Variants in GLIS3 observed in about 807,000 individuals in gnomAD.
GLIS3 encodes zinc finger protein GLIS3.
In GLIS3, 53 loss-of-function variants were observed where a neutral mutation model predicts 78.6. The ratio of observed to expected loss-of-function variants is 0.67; its 90% CI spans 0.54 to 0.85. The LOEUF is 0.85. Among genes scored for constraint, GLIS3 ranks in the 40% least tolerant of loss-of-function variants. The pLI is 0.00. For missense variants in GLIS3, 1,703 were observed against 1,231.1 expected, an observed-to-expected ratio of 1.38 and a Z score of -5.74; for synonymous variants, 684 against 509.9, an observed-to-expected ratio of 1.34 and a Z score of -4.60.
chr9:4,343,786 T>A (rs1329181931), intron 2 of GLIS3, among the ~76,000 whole-genome samples: 5 of 151,870 alleles, frequency 3.3e-5, no homozygotes, highest in Non-Finnish European at 7.4e-5. Flanking sequence ...CAGCTGGAGG[T>A]CATTATCCTA....
chr9:3,840,135 C>T (rs1024579989), intron 9 of GLIS3, among the ~76,000 whole-genome samples: 3 of 152,132 alleles, frequency 2.0e-5, no homozygotes, highest in Non-Finnish European at 4.4e-5. Context: ...TTTATAAAAG[C>T]ATTTGGTGCA....
chr9:4,324,076 C>A (rs576621579), intron 2 of GLIS3, among the ~76,000 whole-genome samples: 45 of 152,248 alleles, frequency 3.0e-4, no homozygotes, highest in African/African-American at 1.0e-3. Flanking sequence ...GAAAATGGTG[C>A]TTGTCTCAAT....
intron 2 of GLIS3, among the ~76,000 whole-genome samples, chr9:4,257,292 T>A (rs1339156856): frequency 2.6e-5 from 4 of 152,036 alleles, no homozygotes; most frequent in African/African-American, 7.2e-5. Flanking sequence ...TTTTAAAAAT[T>A]GAATACAGTA....
intron 4 of GLIS3, among the ~76,000 whole-genome samples, chr9:4,020,487 T>A (rs1822795531): frequency 6.6e-6 from 1 of 152,200 alleles, no homozygotes; most frequent in African/African-American, 2.4e-5. Context: ...TGAAAAAATT[T>A]CACCAACCCT....
chr9:4,490,456 C>A, the GLIS3 span: 1 of 312,502 alleles, frequency 3.2e-6, no homozygotes, highest in Non-Finnish European at 5.8e-6. Flanking sequence ...AGGAGCCGGG[C>A]GCGCCTGCCA....
chr9:4,441,850 C>T, the GLIS3 span, among the ~76,000 whole-genome samples: 1 of 152,162 alleles, frequency 6.6e-6, no homozygotes, highest in African/African-American at 2.4e-5. Context: ...AGTGATCTGC[C>T]CACCTCGGCC....
chr9:4,477,969 C>T, the GLIS3 span, among the ~76,000 whole-genome samples: 1 of 152,198 alleles, frequency 6.6e-6, no homozygotes, highest in African/African-American at 2.4e-5. Context: ...GCCTTGTCCA[C>T]TGAAAAGGCC....
the GLIS3 span, among the ~76,000 whole-genome samples, chr9:4,371,736 C>T: frequency 2.6e-5 from 4 of 152,164 alleles, no homozygotes; most frequent in Non-Finnish European, 4.4e-5. Context: ...AATTACACCA[C>T]GTTACTTCTC....
chr9:4,329,230 G>A (rs994642632), intron 2 of GLIS3, among the ~76,000 whole-genome samples: 2 of 151,866 alleles, frequency 1.3e-5, no homozygotes, highest in Non-Finnish European at 2.9e-5. Flanking sequence ...CTGAGTCCAC[G>A]ACCCCCAGGC....
chr9:4,206,535 G>C (rs1463562039), intron 2 of GLIS3, among the ~76,000 whole-genome samples: 2 of 152,180 alleles, frequency 1.3e-5, no homozygotes, highest in Non-Finnish European at 2.9e-5. Flanking sequence ...ATGTGCAGTG[G>C]ACATTTAAAT....
At chr9:4,245,224 T>C (rs1193900840) in intron 2 of GLIS3, among the ~76,000 whole-genome samples, 1 of 152,202 alleles carries the variant, frequency 6.6e-6, no homozygotes, top group East Asian at 1.9e-4. Context: ...TTTTTGTAGG[T>C]ATGTGGCCTC....
chr9:4,312,083 T>C (rs1220680989), intron 2 of GLIS3, among the ~76,000 whole-genome samples: 1 of 152,238 alleles, frequency 6.6e-6, no homozygotes, highest in Non-Finnish European at 1.5e-5. Context: ...CAAACCCGCA[T>C]GACATGAGTT....
At chr9:3,910,511 A>G (rs1416848849) in intron 6 of GLIS3, among the ~76,000 whole-genome samples, 1 of 152,172 alleles carries the variant, frequency 6.6e-6, no homozygotes, top group African/African-American at 2.4e-5. Flanking sequence ...CACCACATCC[A>G]GCTAATTTTC....
At chr9:3,892,249 A>C (rs1291449300) in intron 7 of GLIS3, among the ~76,000 whole-genome samples, 1 of 149,856 alleles carries the variant, frequency 6.7e-6, no homozygotes, top group African/African-American at 2.5e-5. Flanking sequence ...GAAGCAAGGC[A>C]AAAAAAAAGC....
chr9:4,181,435 C>A (rs1817316011), intron 2 of GLIS3, among the ~76,000 whole-genome samples: 2 of 152,240 alleles, frequency 1.3e-5, no homozygotes, highest in South Asian at 4.1e-4. Context: ...TCCATGGCAT[C>A]TAGTCTGCTA....
chr9:4,296,400 G>A (rs748750872), intron 1 of GLIS3, among the ~76,000 whole-genome samples: 12 of 152,052 alleles, frequency 7.9e-5, no homozygotes, highest in Non-Finnish European at 1.5e-4. Flanking sequence ...AACGTTTTCT[G>A]GGTATTATTT....
the GLIS3 span, among the ~76,000 whole-genome samples, chr9:4,381,759 C>T: frequency 1.3e-5 from 2 of 152,216 alleles, no homozygotes; most frequent in African/African-American, 4.8e-5. Flanking sequence ...CCACAAACTC[C>T]ATTTTCCAGA....
intron 2 of GLIS3, among the ~76,000 whole-genome samples, chr9:4,154,210 G>T (rs948831734): frequency 6.6e-6 from 1 of 152,158 alleles, no homozygotes; most frequent in Non-Finnish European, 1.5e-5. Flanking sequence ...GGCCCAAACA[G>T]TCTTGGAACC....
chr9:4,312,205 C>T (rs1349210983), intron 2 of GLIS3, among the ~76,000 whole-genome samples: 7 of 152,228 alleles, frequency 4.6e-5, no homozygotes, highest in African/African-American at 1.2e-4. Flanking sequence ...TGGTGACTCA[C>T]GCCTGTAATC....
Sources: allele counts gnomAD v4.1 joint callset (sites outside exome capture counted in the v4.1 genomes callset), GRCh38; gene constraint gnomAD v4.1.1; transcripts MANE v1.5; gene names NCBI Gene and HGNC (gene_info 2026-07-23, HGNC 2026-07-21).